Variants in NAALADL2 observed in about 807,000 individuals in gnomAD.
NAALADL2 encodes inactive N-acetylated-alpha-linked acidic dipeptidase-like protein 2.
NAALADL2 carries 76 observed loss-of-function variants against 87.2 expected under a neutral mutation model. The observed-to-expected ratio is 0.87, with a 90% CI of 0.72 to 1.05. The LOEUF (loss-of-function observed/expected upper bound fraction) is 1.05. NAALADL2 is among the 50% of genes least tolerant of loss of function. The pLI, the probability that NAALADL2 is intolerant of heterozygous loss-of-function variation, is 0.00. For synonymous variants in NAALADL2, 354 were observed against 331.0 expected (o/e 1.07, Z -0.75); for missense variants, 1,089 against 945.8 (o/e 1.15, Z -1.99).
At chr3:174,989,318 G>A (rs1344815170) in intron 1 of NAALADL2, among the ~76,000 whole-genome samples, 1 of 152,150 alleles carries the variant, frequency 6.6e-6, no homozygotes, top group Non-Finnish European at 1.5e-5. Flanking sequence ...TAAGTTTTTA[G>A]GGAACGTAGT....
chr3:175,229,047 C>T (rs1251207844), intron 2 of NAALADL2, among the ~76,000 whole-genome samples: 2 of 151,730 alleles, frequency 1.3e-5, no homozygotes, highest in Non-Finnish European at 1.5e-5. Flanking sequence ...ATAAATGTAT[C>T]GGAATTTCTG....
At chr3:174,977,279 C>G (rs983122798) in intron 1 of NAALADL2, among the ~76,000 whole-genome samples, 3 of 152,138 alleles carry the variant, frequency 2.0e-5, no homozygotes, top group Non-Finnish European at 4.4e-5. Flanking sequence ...CACCCCACAC[C>G]ACGCCCAGCT....
In NAALADL2 at chr3:174,985,161, A is replaced by T. The variant is rs116374649; in HGVS notation, c.44-111629A>T. On this transcript the variant is annotated intron_variant, in intron 1 of 13. Coordinates refer to ENST00000454872, the MANE Select transcript of NAALADL2 (RefSeq NM_207015.3). The stretch of plus-strand genomic sequence containing the variant: ...CAAAACAAACCACAAACATTGTTTG[A>T]TATTCATACTCAAACTAAAATGCTA... 9.5e-4 allele frequency among the ~76,000 whole-genome samples: 145 copies of T among 152,312 alleles called. 1 individual carries two copies. The highest frequency in any genetic ancestry group is 2.4e-3 in the Admixed American group (36 of 15,300).
At chr3:175,084,053 A>C (rs1191181799) in intron 1 of NAALADL2, among the ~76,000 whole-genome samples, 1 of 152,178 alleles carries the variant, frequency 6.6e-6, no homozygotes, top group Non-Finnish European at 1.5e-5. Flanking sequence ...CCAGGACATG[A>C]AGGTCTTATA....
intron 5 of NAALADL2, among the ~76,000 whole-genome samples, chr3:175,419,749 T>C (rs371755083): frequency 1.3e-5 from 2 of 151,864 alleles, no homozygotes; most frequent in South Asian, 2.1e-4. Context: ...GTCTGGAATA[T>C]AGAAAAAAAG....
chr3:175,563,886 A>G (rs773211775), intron 9 of NAALADL2, among the ~76,000 whole-genome samples: 7 of 152,098 alleles, frequency 4.6e-5, no homozygotes, highest in Admixed American at 1.3e-4. Context: ...CTTGAATACA[A>G]TGGTGTCCGC....
rs145768258 is a variant in NAALADL2, at chr3:174,964,494, G to C, written c.43+105044G>C. The stretch of plus-strand genomic sequence containing the variant: ...CTTTGGAGTTTGTATAAATAAAAAA[G>C]AGAGGAGAACAGAGGACAGATTCAT... On this transcript the variant is annotated intron_variant, in intron 1 of 13. Transcript: ENST00000454872. Among the ~76,000 whole-genome samples, 283 of 152,162 alleles carry C rather than the reference G, an allele frequency of 1.9e-3. 1 individual carries two copies. Among genetic ancestry groups the C allele is most frequent in the African/African-American group, 6.5e-3 (270 of 41,520 alleles).
intron 5 of NAALADL2, among the ~76,000 whole-genome samples, chr3:175,363,152 A>T (rs1203426467): frequency 6.8e-6 from 1 of 147,250 alleles, no homozygotes; most frequent in Non-Finnish European, 1.5e-5. Context: ...TTTAGTTGTG[A>T]TATCTGCTGT....
At chr3:175,686,859 A>G (rs979958819) in intron 11 of NAALADL2, among the ~76,000 whole-genome samples, 6 of 152,180 alleles carry the variant, frequency 3.9e-5, no homozygotes, top group Non-Finnish European at 7.4e-5. Flanking sequence ...AGTGGTGAAA[A>G]TTGCTACAAT....
intron 5 of NAALADL2, among the ~76,000 whole-genome samples, chr3:175,434,603 C>T (rs1194769519): frequency 1.3e-5 from 2 of 151,972 alleles, no homozygotes; most frequent in Non-Finnish European, 2.9e-5. Context: ...TGCTTATGAT[C>T]TGGTATGAAG....
intron 2 of NAALADL2, among the ~76,000 whole-genome samples, chr3:174,620,392 A>C (rs1007082611): frequency 6.6e-6 from 1 of 151,942 alleles, no homozygotes; most frequent in Non-Finnish European, 1.5e-5. Flanking sequence ...AGCAACACCT[A>C]CTGGATATTA....
At chr3:174,653,798 T>C (rs1024857400) in intron 2 of NAALADL2, among the ~76,000 whole-genome samples, 5 of 152,130 alleles carry the variant, frequency 3.3e-5, no homozygotes, top group African/African-American at 1.2e-4. Flanking sequence ...CTTATGTAAA[T>C]TGAAGTACTA....
chr3:174,732,556 C>T (rs770013719), intron 2 of NAALADL2, among the ~76,000 whole-genome samples: 12 of 152,054 alleles, frequency 7.9e-5, no homozygotes, highest in Admixed American at 7.9e-4. Flanking sequence ...CTAAGATAGT[C>T]CTTGCCTTCA....
At chr3:175,566,105 C>T (rs1415768955) in intron 9 of NAALADL2, among the ~76,000 whole-genome samples, 1 of 152,154 alleles carries the variant, frequency 6.6e-6, no homozygotes, top group Non-Finnish European at 1.5e-5. Context: ...GCTGGAATTA[C>T]AGGTGTGAGC....
chr3:175,566,065 G>A (rs1717100175), intron 9 of NAALADL2, among the ~76,000 whole-genome samples: 1 of 151,904 alleles, frequency 6.6e-6, no homozygotes, highest in Non-Finnish European at 1.5e-5. Context: ...CCTGACCTCA[G>A]GTGATCCACC....
chr3:175,625,745 T>G (rs1471147880), intron 10 of NAALADL2, among the ~76,000 whole-genome samples: 1 of 151,968 alleles, frequency 6.6e-6, no homozygotes, highest in Non-Finnish European at 1.5e-5. Flanking sequence ...GGTATGATCT[T>G]GGGCTAGCGC....
At chr3:175,668,931 T>C (rs1348268297) in intron 11 of NAALADL2, among the ~76,000 whole-genome samples, 1 of 152,134 alleles carries the variant, frequency 6.6e-6, no homozygotes, top group African/African-American at 2.4e-5. Flanking sequence ...TCTCACTATG[T>C]GCAAGGCACT....
intron 3 of NAALADL2, among the ~76,000 whole-genome samples, chr3:174,757,491 ACTTTT>A (rs909399010): frequency 2.6e-5 from 4 of 150,996 alleles, no homozygotes; most frequent in Admixed American, 2.0e-4. Flanking sequence ...AATAGAGATA[ACTTTT>A]CTTTTTTTTT....
intron 2 of NAALADL2, among the ~76,000 whole-genome samples, chr3:175,231,440 T>C (rs1023232905): frequency 2.0e-5 from 3 of 152,164 alleles, no homozygotes; most frequent in Non-Finnish European, 4.4e-5. Flanking sequence ...AAAGACTGTA[T>C]ACATTTTTTC....
Sources: allele counts gnomAD v4.1 joint callset (sites outside exome capture counted in the v4.1 genomes callset), GRCh38; gene constraint gnomAD v4.1.1; transcripts MANE v1.5; gene names NCBI Gene and HGNC (gene_info 2026-07-23, HGNC 2026-07-21).